CSMD2: variants seen among roughly 807,000 people sequenced by gnomAD.
CSMD2 encodes CUB and Sushi multiple domains 2.
Under a neutral mutation model 398.5 loss-of-function variants are expected in CSMD2, and 130 were observed. The observed-to-expected ratio is 0.33, with a 90% CI of 0.28 to 0.38. The LOEUF (loss-of-function observed/expected upper bound fraction) is 0.38, where lower values mean the gene tolerates loss of function less well. Among genes scored for constraint, CSMD2 ranks in the 10% least tolerant of loss-of-function variants. The probability of loss-of-function intolerance (pLI) is 1.00; values close to 1 mark genes in which losing one functional copy is unlikely to be tolerated. For synonymous variants in CSMD2, 1,828 were observed against 1,908.5 expected, an observed-to-expected ratio of 0.96 and a Z score of 1.10; for missense variants, 3,829 against 4,764.9, an observed-to-expected ratio of 0.80 and a Z score of 5.78.
intron 44 of CSMD2, among the ~76,000 whole-genome samples, chr1:33,592,793 C>CA (rs1380212022): frequency 6.6e-6 from 1 of 151,904 alleles, no homozygotes; most frequent in Non-Finnish European, 1.5e-5. Context: ...ACTGAATGTA[C>CA]AAAAAATTAG....
intron 3 of CSMD2, among the ~76,000 whole-genome samples, chr1:33,985,712 T>A (rs771034461): frequency 6.6e-6 from 1 of 152,152 alleles, no homozygotes; most frequent in Non-Finnish European, 1.5e-5. Context: ...CCCCAGTAGA[T>A]CTTGTGCCTT....
intron 42 of CSMD2, 124 bp from the exon 43 acceptor site, chr1:33,602,670 G>A: frequency 1.2e-6 from 1 of 852,054 alleles, no homozygotes; most frequent in Non-Finnish European, 1.7e-6. Flanking sequence ...TGGGTGGGAT[G>A]CGGAAGGGGA....
intron 5 of CSMD2, chr1:33,864,462 C>T (rs971323479): frequency 2.4e-5 from 39 of 1,613,790 alleles, no homozygotes; most frequent in Middle Eastern, 1.7e-4. Flanking sequence ...GCGGGATCCC[C>T]AGGAACCCAG....
chr1:33,580,697 GC>G, intron 48 of CSMD2, 55 bp downstream of exon 48: 1 of 1,601,100 alleles, frequency 6.2e-7, no homozygotes, highest in East Asian at 2.2e-5. Flanking sequence ...CCACAGAGGA[GC>G]TTGAGGCTTC....
At chr1:34,008,184 C>T (rs1007120998) in intron 3 of CSMD2, among the ~76,000 whole-genome samples, 1 of 152,212 alleles carries the variant, frequency 6.6e-6, no homozygotes, top group African/African-American at 2.4e-5. Flanking sequence ...CCATACTTTA[C>T]GTTTACCACC....
intron 5 of CSMD2, among the ~76,000 whole-genome samples, chr1:33,877,821 G>A (rs1264269976): frequency 2.0e-5 from 3 of 152,054 alleles, no homozygotes; most frequent in African/African-American, 4.8e-5. Flanking sequence ...CAGGGTTGCT[G>A]CCAAGCCCCT....
At position 33,789,634 on chromosome 1, in the gene CSMD2, T is replaced by C. The variant is rs115954100; in HGVS notation, c.1551-922A>G. Among the ~76,000 whole-genome samples the C allele has an allele frequency of 2.6e-3, 393 of 152,308 alleles. 3 individuals carry two copies. The highest frequency in any genetic ancestry group is 8.8e-3 in the African/African-American group (366 of 41,562). On this transcript the variant is annotated intron_variant, in intron 11 of 70. Transcript: ENST00000373381. ...GCAACTGAACTAATGAGTCCTAATC[T>C]CTGCTTCACCCAGGGTCTCAGAGCT...
intron 24 of CSMD2, among the ~76,000 whole-genome samples, chr1:33,694,903 G>A (rs997295090): frequency 4.6e-5 from 7 of 152,220 alleles, no homozygotes; most frequent in African/African-American, 1.7e-4. Context: ...TGCCAGGACA[G>A]CAGAGATCAA....
chr1:33,965,792 T>C (rs950266635), intron 3 of CSMD2, among the ~76,000 whole-genome samples: 1 of 152,230 alleles, frequency 6.6e-6, no homozygotes, highest in Non-Finnish European at 1.5e-5. Context: ...GGTTCCTCGG[T>C]GACCTGTGTG....
At chr1:33,725,098 C>A (rs1557794510) in intron 17 of CSMD2, among the ~76,000 whole-genome samples, 1 of 152,146 alleles carries the variant, frequency 6.6e-6, no homozygotes, top group South Asian at 2.1e-4. Flanking sequence ...GTGGCGGCAC[C>A]CAATCACCTG....
At chr1:33,723,280 G>C (rs756143464) in intron 19 of CSMD2, among the ~76,000 whole-genome samples, 3 of 152,170 alleles carry the variant, frequency 2.0e-5, no homozygotes, top group African/African-American at 7.2e-5. Flanking sequence ...AAAATTACTG[G>C]CAAAGTGTTC....
At chr1:33,798,023 C>T in intron 10 of CSMD2, among the ~76,000 whole-genome samples, 1 of 152,212 alleles carries the variant, frequency 6.6e-6, no homozygotes, top group East Asian at 1.9e-4. Flanking sequence ...GACTGTTCAA[C>T]ATACACAATG....
rs933668138 is a variant in CSMD2, at chr1:33,537,375, C to A, written c.9805+61G>T. On this transcript the variant is annotated intron_variant, in intron 61 of 70. Coordinates refer to ENST00000373381, the MANE Select transcript of CSMD2 (RefSeq NM_001281956.2). The surrounding 1 kb of genome is among the most constrained non-coding windows in gnomAD (Gnocchi z 4.6). ...AGGGAAGGAAAGTAATCATCTCAGG[C>A]CCAAAAGAAGGTCTCCCGCAACCCC... 18 of 1,528,312 alleles carry A rather than the reference C, an allele frequency of 1.2e-5. No homozygotes were observed. Among genetic ancestry groups the A allele is most frequent in the Non-Finnish European group, 1.5e-5 (17 of 1,126,396 alleles). 94.7% of individuals were successfully genotyped at this position (1,528,312 alleles called of 1,614,324 possible).
intron 3 of CSMD2, among the ~76,000 whole-genome samples, chr1:34,023,883 T>C (rs954822206): frequency 6.6e-6 from 1 of 152,212 alleles, no homozygotes; most frequent in Non-Finnish European, 1.5e-5. Flanking sequence ...TAACCGGGCA[T>C]GAGAGCAATT....
At chr1:33,990,105 T>C (rs1238484705) in intron 3 of CSMD2, among the ~76,000 whole-genome samples, 1 of 151,822 alleles carries the variant, frequency 6.6e-6, no homozygotes, top group Non-Finnish European at 1.5e-5. Flanking sequence ...ACCCCATCTC[T>C]ACTACAAATA....
intron 29 of CSMD2, among the ~76,000 whole-genome samples, chr1:33,639,097 T>A (rs1398126785): frequency 6.6e-6 from 1 of 152,238 alleles, no homozygotes; most frequent in Non-Finnish European, 1.5e-5. Flanking sequence ...CTTCCTTGCA[T>A]CTTTCCTCCT....
intron 3 of CSMD2, among the ~76,000 whole-genome samples, chr1:33,959,235 C>T (rs972347207): frequency 3.9e-5 from 6 of 152,106 alleles, no homozygotes; most frequent in South Asian, 2.1e-4. Context: ...TGTGGTGACA[C>T]GTGTGACACT....
chr1:33,691,570 T>C (rs1645241854), intron 25 of CSMD2, among the ~76,000 whole-genome samples: 1 of 152,224 alleles, frequency 6.6e-6, no homozygotes, highest in African/African-American at 2.4e-5. Flanking sequence ...TTGGAAACTC[T>C]TACATGCAGG....
intron 26 of CSMD2, among the ~76,000 whole-genome samples, chr1:33,659,002 C>T (rs1644040193): frequency 6.6e-6 from 1 of 152,204 alleles, no homozygotes; most frequent in Non-Finnish European, 1.5e-5. Flanking sequence ...ATCATGCTCT[C>T]TCTTGCAATG....
Sources: allele counts gnomAD v4.1 joint callset (sites outside exome capture counted in the v4.1 genomes callset), GRCh38; gene constraint gnomAD v4.1.1; non-coding constraint Gnocchi (gnomAD v3.1); transcripts MANE v1.5; gene names NCBI Gene and HGNC (gene_info 2026-07-23, HGNC 2026-07-21).